Variants in ERC1 observed in about 807,000 individuals in gnomAD.
The protein encoded by ERC1 is RAB6 interacting protein 2.
Under a neutral mutation model 132.0 loss-of-function variants are expected in ERC1, and 56 were observed. That is an observed-to-expected ratio of 0.42 (90% CI 0.34 to 0.53). The LOEUF (loss-of-function observed/expected upper bound fraction) is 0.53. ERC1 is among the 20% of genes least tolerant of loss of function. ERC1 has a pLI of 0.03. For missense variants in ERC1, 1,202 were observed against 1,349.9 expected, an observed-to-expected ratio of 0.89 and a Z score of 1.72; for synonymous variants, 478 against 476.1, an observed-to-expected ratio of 1.00 and a Z score of -0.05.
chr12:1,135,626 A>G (rs1036755214), intron 7 of ERC1, among the ~76,000 whole-genome samples: 2 of 152,214 alleles, frequency 1.3e-5, no homozygotes, highest in African/African-American at 4.8e-5. Context: ...TGGAGTCCTT[A>G]TAGAAGAGAG....
intron 18 of ERC1, among the ~76,000 whole-genome samples, chr12:1,488,139 AG>A (rs1317506090): frequency 1.1e-4 from 15 of 141,236 alleles, no homozygotes; most frequent in African/African-American, 4.2e-4. Flanking sequence ...CTCACGTCTC[AG>A]AAAAAAAAAA....
chr12:1,368,827 G>C (rs1220733658), intron 15 of ERC1, among the ~76,000 whole-genome samples: 1 of 152,126 alleles, frequency 6.6e-6, no homozygotes, highest in Non-Finnish European at 1.5e-5. Flanking sequence ...ACATTACTCA[G>C]AATTCATATG....
intron 15 of ERC1, among the ~76,000 whole-genome samples, chr12:1,301,231 G>C (rs1159267803): frequency 1.3e-5 from 2 of 151,994 alleles, no homozygotes; most frequent in Admixed American, 6.6e-5. Flanking sequence ...CTATATATTA[G>C]GTACCACGTG....
At chr12:1,056,685 A>G (rs1973034699) in intron 2 of ERC1, among the ~76,000 whole-genome samples, 1 of 152,034 alleles carries the variant, frequency 6.6e-6, no homozygotes, top group Non-Finnish European at 1.5e-5. Flanking sequence ...TTTCTTTACT[A>G]TACATGTGGT....
At chr12:1,020,418 C>G (rs571629763) in intron 1 of ERC1, among the ~76,000 whole-genome samples, 2 of 152,334 alleles carry the variant, frequency 1.3e-5, no homozygotes, top group South Asian at 4.1e-4. Flanking sequence ...GATTGTGCTA[C>G]TGCACTCCAG....
intron 2 of ERC1, among the ~76,000 whole-genome samples, chr12:1,043,338 C>T (rs554164961): frequency 3.3e-5 from 5 of 152,188 alleles, no homozygotes; most frequent in South Asian, 2.1e-4. Flanking sequence ...CCACTGCGCC[C>T]GGCCTGTACA....
At chr12:1,296,024 A>AAAAAC (rs1555349497) in intron 15 of ERC1, among the ~76,000 whole-genome samples, 4 of 150,374 alleles carry the variant, frequency 2.7e-5, no homozygotes, top group Non-Finnish European at 5.9e-5. Flanking sequence ...AAAAAAAAAA[A>AAAAAC]AACAACTAAA....
chr12:1,050,635 C>T (rs1971781813), intron 2 of ERC1, among the ~76,000 whole-genome samples: 1 of 152,100 alleles, frequency 6.6e-6, no homozygotes, highest in Non-Finnish European at 1.5e-5. Context: ...AAAATTGACT[C>T]ATTTTAAAAA....
At chr12:1,355,966 G>A (rs151172484) in intron 15 of ERC1, among the ~76,000 whole-genome samples, 3,953 of 152,182 alleles carry the variant, frequency 0.026, 177 homozygotes, top group African/African-American at 0.091. Flanking sequence ...AGCACTTTGG[G>A]AGGCCAAGGT....
At chr12:1,160,487 C>T (rs536189622) in intron 8 of ERC1, among the ~76,000 whole-genome samples, 40 of 152,264 alleles carry the variant, frequency 2.6e-4, no homozygotes, top group African/African-American at 8.9e-4. Context: ...GTAATCCCAG[C>T]GTTTTGGGAG....
At chr12:1,343,966 C>T (rs1372689960) in intron 15 of ERC1, among the ~76,000 whole-genome samples, 3 of 152,074 alleles carry the variant, frequency 2.0e-5, no homozygotes, top group Non-Finnish European at 2.9e-5. Context: ...CTCAGTGTCC[C>T]GTGTAGCTGG....
chr12:1,296,837 A>C (rs540435992), intron 15 of ERC1, among the ~76,000 whole-genome samples: 1 of 152,252 alleles, frequency 6.6e-6, no homozygotes, highest in African/African-American at 2.4e-5. Context: ...CCTCAGTGAC[A>C]TGTAGGACAA....
At chr12:1,311,163 A>G (rs529109518) in intron 15 of ERC1, among the ~76,000 whole-genome samples, 1 of 152,348 alleles carries the variant, frequency 6.6e-6, no homozygotes, top group Middle Eastern at 3.4e-3. Context: ...CCTTTCTGGC[A>G]CAAACTTTAA....
chr12:1,459,046 C>T (rs971837417), intron 18 of ERC1, among the ~76,000 whole-genome samples: 11 of 152,170 alleles, frequency 7.2e-5, no homozygotes, highest in African/African-American at 1.2e-4. Flanking sequence ...ATCAAAACAA[C>T]ATGGGGAAAA....
intron 18 of ERC1, among the ~76,000 whole-genome samples, chr12:1,487,394 TTTTTTTGC>T (rs2094239382): frequency 7.3e-6 from 1 of 137,466 alleles, no homozygotes; most frequent in African/African-American, 3.1e-5. Context: ...TTTTTTTTTT[TTTTTTTGC>T]CTGTTTTAAG....
chr12:1,244,497 GGTTT>G (rs71055140), intron 13 of ERC1: 51,037 of 440,538 alleles, frequency 0.12, 3,194 homozygotes, highest in African/African-American at 0.21. Flanking sequence ...TGTACTTAAT[GGTTT>G]GTTTGTTTGT....
chr12:1,356,349 CTGT>C (rs1335554988), intron 15 of ERC1, among the ~76,000 whole-genome samples: 1 of 151,564 alleles, frequency 6.6e-6, no homozygotes, highest in Non-Finnish European at 1.5e-5. Flanking sequence ...ATCTTTACTG[CTGT>C]TGTTTTAAAA....
At chr12:1,159,052 A>G (rs943087442) in intron 8 of ERC1, among the ~76,000 whole-genome samples, 17 of 152,216 alleles carry the variant, frequency 1.1e-4, no homozygotes, top group African/African-American at 4.1e-4. Context: ...GTATTTATAC[A>G]TGTTCAATAA....
intron 12 of ERC1, among the ~76,000 whole-genome samples, chr12:1,209,929 G>A (rs934462384): frequency 1.3e-5 from 2 of 152,168 alleles, no homozygotes; most frequent in South Asian, 4.1e-4. Context: ...AGGATATCAA[G>A]GTGACCGTTT....
Sources: gnomAD v4.1 joint callset for allele counts (sites outside exome capture counted in the v4.1 genomes callset) on GRCh38, gnomAD v4.1.1 for gene constraint, MANE v1.5 for transcripts, NCBI Gene and HGNC (gene_info 2026-07-23, HGNC 2026-07-21) for gene names.